The following SAMMSON variants were observed in gnomAD, a reference collection of about 807,000 sequenced individuals.
The protein encoded by SAMMSON is long intergenic non-protein coding RNA 1212.
chr3:70,051,272 A>G (rs1308966114), intron 3 of SAMMSON, among the ~76,000 whole-genome samples: 10 of 151,000 alleles, frequency 6.6e-5, no homozygotes, highest in Non-Finnish European at 1.5e-5. Flanking sequence ...GATAATATGA[A>G]TCCTACACTT....
chr3:70,202,822 AC>A (rs1340536167), intron 4 of SAMMSON, among the ~76,000 whole-genome samples: 1 of 152,104 alleles, frequency 6.6e-6, no homozygotes, highest in Non-Finnish European at 1.5e-5. Context: ...TAAATGTACA[AC>A]TGGGGACTGG....
At chr3:70,351,971 A>G (rs1335783228) in intron 7 of SAMMSON, among the ~76,000 whole-genome samples, 2 of 152,112 alleles carry the variant, frequency 1.3e-5, no homozygotes, top group African/African-American at 4.8e-5. Flanking sequence ...GAGACTTTTA[A>G]AAAGTAACAA....
At chr3:70,059,041 C>T (rs1252587859) in intron 3 of SAMMSON, among the ~76,000 whole-genome samples, 1 of 151,996 alleles carries the variant, frequency 6.6e-6, no homozygotes, top group Non-Finnish European at 1.5e-5. Context: ...GAAGTTAGTT[C>T]CAGAGCCTGG....
intron 2 of SAMMSON, among the ~76,000 whole-genome samples, chr3:70,418,454 C>T (rs917980793): frequency 2.6e-5 from 4 of 152,166 alleles, no homozygotes; most frequent in Non-Finnish European, 1.5e-5. Flanking sequence ...AGCTTGCTTA[C>T]TCTTGCCTTT....
At chr3:70,060,993 G>A (rs190132589) in intron 3 of SAMMSON, among the ~76,000 whole-genome samples, 3 of 152,144 alleles carry the variant, frequency 2.0e-5, no homozygotes, top group Non-Finnish European at 4.4e-5. Context: ...ATTGGAAGTC[G>A]TGAGAGCTTA....
intron 7 of SAMMSON, among the ~76,000 whole-genome samples, chr3:70,328,018 A>G (rs1288338611): frequency 6.6e-6 from 1 of 152,186 alleles, no homozygotes; most frequent in Non-Finnish European, 1.5e-5. Context: ...GAGGCCTCAC[A>G]ATTGTGGTGG....
intron 4 of SAMMSON, among the ~76,000 whole-genome samples, chr3:70,096,585 G>A (rs1267729590): frequency 6.6e-6 from 1 of 152,064 alleles, no homozygotes; most frequent in East Asian, 1.9e-4. Context: ...TCACATCTAT[G>A]ACTAATCCTG....
intron 7 of SAMMSON, among the ~76,000 whole-genome samples, chr3:70,294,028 A>G (rs1205854908): frequency 2.0e-5 from 3 of 152,110 alleles, no homozygotes; most frequent in African/African-American, 7.2e-5. Context: ...GTGTATTTTA[A>G]TATTTATCAA....
At chr3:70,257,781 C>CA (rs1454129209) in intron 6 of SAMMSON, among the ~76,000 whole-genome samples, 2 of 152,186 alleles carry the variant, frequency 1.3e-5, no homozygotes, top group African/African-American at 4.8e-5. Flanking sequence ...AAAATCCCAG[C>CA]AGCAGGCATG....
intron 4 of SAMMSON, among the ~76,000 whole-genome samples, chr3:70,214,894 G>C (rs1363457510): frequency 1.3e-5 from 2 of 152,022 alleles, no homozygotes; most frequent in African/African-American, 4.8e-5. Flanking sequence ...GAAAAAAATA[G>C]TTAGCAGTTT....
In SAMMSON at chr3:70,010,290, C is replaced by A. The variant is rs112921103; in HGVS notation, n.23-2067C>A. 6.8e-3 allele frequency among the ~76,000 whole-genome samples: 1,035 copies of A among 152,156 alleles called. 18 individuals carry two copies. The highest frequency in any genetic ancestry group is 0.023 in the African/African-American group (963 of 41,450). On this transcript the variant is annotated intron_variant and non_coding_transcript_variant, in intron 1 of 9. Transcript: ENST00000642114. The stretch of plus-strand genomic sequence containing the variant: ...TGGGAGTCTAAGTCTCTTTCTAGAT[C>A]TCTAAGAACTTGCTTTATGAATCTG...
intron 6 of SAMMSON, among the ~76,000 whole-genome samples, chr3:70,288,167 A>T (rs1702188398): frequency 7.1e-6 from 1 of 141,046 alleles, no homozygotes; most frequent in African/African-American, 2.7e-5. Context: ...TCAATTTTGG[A>T]TCTTTCCTGC....
intron 4 of SAMMSON, among the ~76,000 whole-genome samples, chr3:70,095,240 GAGGT>G (rs1443589276): frequency 6.6e-6 from 1 of 152,132 alleles, no homozygotes; most frequent in Non-Finnish European, 1.5e-5. Context: ...CATATGTTAA[GAGGT>G]TATCTTTAGT....
At chr3:70,203,939 G>A (rs1480603401) in intron 4 of SAMMSON, among the ~76,000 whole-genome samples, 1 of 152,030 alleles carries the variant, frequency 6.6e-6, no homozygotes, top group Non-Finnish European at 1.5e-5. Flanking sequence ...TTTTATTCAG[G>A]AAAGGGACCA....
At chr3:70,066,897 TTAAA>T (rs2067211988) in intron 3 of SAMMSON, among the ~76,000 whole-genome samples, 1 of 152,110 alleles carries the variant, frequency 6.6e-6, no homozygotes, top group South Asian at 2.1e-4. Flanking sequence ...CTGCCGAATG[TTAAA>T]TAAATATGTT....
intron 4 of SAMMSON, among the ~76,000 whole-genome samples, chr3:70,143,592 G>A: frequency 6.6e-6 from 1 of 152,068 alleles, no homozygotes; most frequent in East Asian, 1.9e-4. Flanking sequence ...TTGGCCAATG[G>A]GGGTTTCCAG....
chr3:70,227,355 A>C (rs969487760), intron 4 of SAMMSON, among the ~76,000 whole-genome samples: 1 of 152,172 alleles, frequency 6.6e-6, no homozygotes, highest in African/African-American at 2.4e-5. Flanking sequence ...TTTCCATACC[A>C]CTTCTTACTC....
At chr3:70,418,867 A>C (rs192661543) in intron 2 of SAMMSON, among the ~76,000 whole-genome samples, 124 of 151,886 alleles carry the variant, frequency 8.2e-4, no homozygotes, top group Middle Eastern at 3.4e-3. Flanking sequence ...ATCTTTTTTG[A>C]ATATCAGAAG....
chr3:70,145,712 A>C (rs1456589023), intron 4 of SAMMSON, among the ~76,000 whole-genome samples: 3 of 152,082 alleles, frequency 2.0e-5, no homozygotes, highest in Non-Finnish European at 4.4e-5. Context: ...ACTTAAATGA[A>C]AATTTATAGC....
Sources: gnomAD v4.1 joint callset for allele counts (sites outside exome capture counted in the v4.1 genomes callset) on GRCh38, gnomAD v4.1.1 for gene constraint, MANE v1.5 for transcripts, NCBI Gene and HGNC (gene_info 2026-07-23, HGNC 2026-07-21) for gene names.